EIF4G3: variants seen among roughly 807,000 people sequenced by gnomAD.
EIF4G3 encodes the protein eIF-4-gamma 3.
A neutral mutation model predicts 186.4 loss-of-function variants in EIF4G3; 34 were observed. The ratio of observed to expected loss-of-function variants is 0.18; its 90% CI spans 0.14 to 0.24. EIF4G3 has a LOEUF of 0.24. EIF4G3 is among the 10% of genes least tolerant of loss of function. The pLI is 1.00. For synonymous variants in EIF4G3, 673 were observed against 679.5 expected, an observed-to-expected ratio of 0.99 and a Z score of 0.15; for missense variants, 1,536 against 1,948.5, an observed-to-expected ratio of 0.79 and a Z score of 3.99.
At chr1:21,056,398 C>A (rs916983272) in intron 3 of EIF4G3, among the ~76,000 whole-genome samples, 7 of 152,304 alleles carry the variant, frequency 4.6e-5, no homozygotes, top group Admixed American at 2.6e-4. Flanking sequence ...ATATGTCACA[C>A]TGCATTAGGC....
chr1:20,898,072 A>T (rs1402237450), intron 16 of EIF4G3, among the ~76,000 whole-genome samples: 1 of 152,134 alleles, frequency 6.6e-6, no homozygotes. Context: ...ATTTTTGAAC[A>T]CAGTATACAA....
chr1:21,176,230 C>A lies in EIF4G3; in HGVS notation c.-327G>T. On this transcript the variant is annotated 5_prime_UTR_variant, in exon 2 of 37. Coordinates refer to ENST00000602326, the MANE Select transcript of EIF4G3 (RefSeq NM_001391906.1). ...ATGTTCGGGTGAGGAGGGGGGACCG[C>A]TGCCGCCGCCGCCGCCGCCGCCGCC... 2.6e-6 allele frequency: 1 copy of A among 386,688 alleles called. No individual in the cohort carries two copies. Among genetic ancestry groups the A allele is most frequent in the Non-Finnish European group, 4.4e-6 (1 of 225,006 alleles). The allele number at this position is 386,688 out of a possible 1,614,324, so 24.0% of individuals were successfully genotyped here.
chr1:21,153,785 G>A (rs182944688), intron 2 of EIF4G3, among the ~76,000 whole-genome samples: 7 of 151,898 alleles, frequency 4.6e-5, no homozygotes, highest in Admixed American at 2.0e-4. Context: ...GGCTGGTCTC[G>A]AACTCCTGAC....
At chr1:20,999,247 A>G (rs963997766) in intron 6 of EIF4G3, 4 of 277,266 alleles carry the variant, frequency 1.4e-5, no homozygotes, top group Admixed American at 4.4e-5. Flanking sequence ...ATAGTTTTTC[A>G]GAATGATGAT....
chr1:21,154,876 TG>T (rs2102856051), intron 2 of EIF4G3, among the ~76,000 whole-genome samples: 2 of 152,292 alleles, frequency 1.3e-5, no homozygotes, highest in East Asian at 3.9e-4. Flanking sequence ...TGAAACAATA[TG>T]CCTCAATTTT....
chr1:20,985,577 A>G (rs148694946), intron 7 of EIF4G3, among the ~76,000 whole-genome samples: 6 of 152,302 alleles, frequency 3.9e-5, no homozygotes, highest in African/African-American at 1.2e-4. Context: ...TTACAAATGC[A>G]TAATTAGATT....
rs182071965 is a variant in EIF4G3, at chr1:21,143,096, A to T, written c.-272+33079T>A. ...AAACCCTGTCTCTACTAAAAATACA[A>T]AAATTAGCTAGGTGTGGTGGTGGGT... On this transcript the variant is annotated intron_variant, in intron 2 of 36. Coordinates refer to ENST00000602326, the MANE Select transcript of EIF4G3 (RefSeq NM_001391906.1). 3.3e-5 allele frequency among the ~76,000 whole-genome samples: 5 copies of T among 152,182 alleles called. No homozygotes were observed. The East Asian group carries it at 9.7e-4, about 29-fold the overall frequency.
intron 12 of EIF4G3, among the ~76,000 whole-genome samples, chr1:20,953,285 T>C (rs1040802186): frequency 6.6e-6 from 1 of 152,144 alleles, no homozygotes; most frequent in African/African-American, 2.4e-5. Context: ...CCTGTCAAAT[T>C]TTTCAAAATC....
chr1:21,167,952 T>C (rs536237631), intron 2 of EIF4G3: 75 of 423,358 alleles, frequency 1.8e-4, no homozygotes, highest in African/African-American at 1.3e-3. Flanking sequence ...CAAAAGATGT[T>C]TGACTTACTG....
At chr1:21,175,430 T>TA (rs2098083373) in intron 2 of EIF4G3, 1 of 152,162 alleles carries the variant, frequency 6.6e-6, no homozygotes, top group African/African-American at 2.4e-5. Flanking sequence ...TAAAGCCCAT[T>TA]AAAAATATTC....
chr1:21,082,735 CTG>C (rs1176511082), intron 3 of EIF4G3, among the ~76,000 whole-genome samples: 1 of 151,936 alleles, frequency 6.6e-6, no homozygotes, highest in African/African-American at 2.4e-5. Context: ...GGCTCTGTCT[CTG>C]TTAAAAAGTT....
Position 20,909,450 on chromosome 1 carries a change from C to A in EIF4G3, c.1664-4479G>T, listed in dbSNP as rs114616810. On this transcript the variant is annotated intron_variant, in intron 14 of 36. Transcript: ENST00000602326. The stretch of plus-strand genomic sequence containing the variant: ...TATCACTGGCATAATCTCCCTTTAT[C>A]TAGATTATTTATTTATTCTAATCAT... Among the ~76,000 whole-genome samples the A allele has an allele frequency of 8.3e-3, 1,257 of 152,138 alleles. 10 individuals are homozygous for A. Among genetic ancestry groups the A allele is most frequent in the Non-Finnish European group, 0.013 (868 of 68,000 alleles).
intron 3 of EIF4G3, among the ~76,000 whole-genome samples, chr1:21,053,777 G>A (rs1255097837): frequency 1.4e-5 from 2 of 147,496 alleles, no homozygotes; most frequent in Admixed American, 1.3e-4. Context: ...GGGCACCTCT[G>A]CCCGGCTGCC....
intron 14 of EIF4G3, among the ~76,000 whole-genome samples, chr1:20,932,568 T>C (rs1283521366): frequency 1.3e-5 from 2 of 152,076 alleles, no homozygotes; most frequent in African/African-American, 4.8e-5. Context: ...GGGTTATTAA[T>C]ACCCTAATTT....
At chr1:20,875,673 G>A (rs1255181473) in intron 20 of EIF4G3, among the ~76,000 whole-genome samples, 1 of 152,180 alleles carries the variant, frequency 6.6e-6, no homozygotes, top group Admixed American at 6.5e-5. Flanking sequence ...CAGCACTCTG[G>A]GAAGGAGGCA....
chr1:20,900,000 A>G, intron 15 of EIF4G3, 57 bp from the exon 16 acceptor site: 1 of 1,513,412 alleles, frequency 6.6e-7, no homozygotes, highest in South Asian at 1.3e-5. Context: ...AAATATACAT[A>G]AAAACCTACA....
chr1:20,945,464 A>G (rs867247434), intron 13 of EIF4G3, among the ~76,000 whole-genome samples: 1 of 152,072 alleles, frequency 6.6e-6, no homozygotes, highest in Non-Finnish European at 1.5e-5. Context: ...GTAATAAAAG[A>G]TATGTTTTGT....
chr1:21,175,339 T>C (rs886827138), intron 2 of EIF4G3: 1 of 152,166 alleles, frequency 6.6e-6, no homozygotes, highest in African/African-American at 2.4e-5. Context: ...GCAAATAACA[T>C]GAAATTAGAA....
At chr1:21,023,958 T>A (rs2091487884) in intron 4 of EIF4G3, among the ~76,000 whole-genome samples, 2 of 75,068 alleles carry the variant, frequency 2.7e-5, no homozygotes, top group South Asian at 8.3e-4. Context: ...CGACCCCATC[T>A]GGGAGGTGAG....
Sources: allele counts gnomAD v4.1 joint callset (sites outside exome capture counted in the v4.1 genomes callset), GRCh38; gene constraint gnomAD v4.1.1; transcripts MANE v1.5; gene names NCBI Gene and HGNC (gene_info 2026-07-23, HGNC 2026-07-21).